Variants in ASIC2 observed in about 807,000 individuals in gnomAD.
ASIC2 encodes acid sensing ion channel subunit 2, also known as acid-sensing ion channel 2.
A neutral mutation model predicts 57.3 loss-of-function variants in ASIC2; 25 were observed. That is an observed-to-expected ratio of 0.44 (90% CI 0.32 to 0.61). The LOEUF (loss-of-function observed/expected upper bound fraction) is 0.61. Among genes scored for constraint, ASIC2 ranks in the 20% least tolerant of loss-of-function variants. The pLI, the probability that ASIC2 is intolerant of heterozygous loss-of-function variation, is 0.06. For synonymous variants in ASIC2, 319 were observed against 307.5 expected (o/e 1.04, Z -0.39); for missense variants, 641 against 738.1 (o/e 0.87, Z 1.52).
At chr17:33,352,712 C>T (rs912904310) in intron 1 of ASIC2, among the ~76,000 whole-genome samples, 1 of 152,202 alleles carries the variant, frequency 6.6e-6, no homozygotes, top group Non-Finnish European at 1.5e-5. Context: ...ACACCACCCT[C>T]ATGCTTTCAG....
chr17:33,579,733 G>A (rs1034151693), intron 1 of ASIC2, among the ~76,000 whole-genome samples: 3 of 152,142 alleles, frequency 2.0e-5, no homozygotes, highest in Non-Finnish European at 4.4e-5. Context: ...AAGTAGTGCG[G>A]ACCCAAACAC....
At chr17:33,879,131 C>T (rs186818274) in intron 1 of ASIC2, among the ~76,000 whole-genome samples, 25 of 152,248 alleles carry the variant, frequency 1.6e-4, no homozygotes, top group East Asian at 3.9e-4. Context: ...AAGGAACAAC[C>T]GGTACCAGCC....
chr17:33,321,336 A>G (rs1049279389), intron 1 of ASIC2, among the ~76,000 whole-genome samples: 1 of 152,216 alleles, frequency 6.6e-6, no homozygotes, highest in Non-Finnish European at 1.5e-5. Context: ...TTAAAGATAG[A>G]GGGGACCATT....
At chr17:33,476,847 G>A (rs533604972) in intron 1 of ASIC2, among the ~76,000 whole-genome samples, 1 of 152,194 alleles carries the variant, frequency 6.6e-6, no homozygotes, top group East Asian at 1.9e-4. Flanking sequence ...TTTCCAGTCA[G>A]TCTCGTGTGG....
intron 1 of ASIC2, among the ~76,000 whole-genome samples, chr17:33,117,401 C>T (rs1204591058): frequency 1.3e-5 from 2 of 152,152 alleles, no homozygotes; most frequent in Non-Finnish European, 1.5e-5. Context: ...GTCTCAAACT[C>T]CTGACCTCAA....
At chr17:33,808,714 A>G (rs1194487114) in intron 1 of ASIC2, among the ~76,000 whole-genome samples, 1 of 152,222 alleles carries the variant, frequency 6.6e-6, no homozygotes, top group Non-Finnish European at 1.5e-5. Flanking sequence ...AATGTAGATG[A>G]TAATACTTGA....
At chr17:33,594,327 G>A (rs1011715155) in intron 1 of ASIC2, among the ~76,000 whole-genome samples, 1 of 152,236 alleles carries the variant, frequency 6.6e-6, no homozygotes, top group Admixed American at 6.5e-5. Context: ...ACCAGAGCAG[G>A]TACGGCTCTG....
At position 33,516,407 on chromosome 17, in the gene ASIC2, AGTGT is replaced by A. The variant is rs113344287; in HGVS notation, c.556-404344_556-404341del. 8.0e-3 allele frequency among the ~76,000 whole-genome samples: 1,188 copies of A among 148,330 alleles called. 13 individuals are homozygous for A. The highest frequency in any genetic ancestry group is 0.028 in the Middle Eastern group (8 of 288). On this transcript the variant is annotated intron_variant, in intron 1 of 9. Coordinates refer to the ASIC2 transcript ENST00000359872. ...GTTTGTAAGTGTGTTTGTGAGTGTG[AGTGT>A]GTGTGTGTGTGTGTGTGTATGGAGG...
intron 1 of ASIC2, among the ~76,000 whole-genome samples, chr17:33,321,630 C>A (rs1275610303): frequency 6.6e-6 from 1 of 152,122 alleles, no homozygotes; most frequent in East Asian, 1.9e-4. Flanking sequence ...CTAGAGGGAA[C>A]CATTTTGCTT....
chr17:33,334,976 G>T (rs189545661), intron 1 of ASIC2, among the ~76,000 whole-genome samples: 1 of 152,176 alleles, frequency 6.6e-6, no homozygotes, highest in Non-Finnish European at 1.5e-5. Flanking sequence ...TTGACTCATC[G>T]CTTTGAAAAC....
chr17:33,200,232 C>A (rs1360524612), intron 1 of ASIC2, among the ~76,000 whole-genome samples: 1 of 152,174 alleles, frequency 6.6e-6, no homozygotes, highest in East Asian at 1.9e-4. Context: ...GCGAGTCTCA[C>A]ATCTGTCTGT....
intron 1 of ASIC2, among the ~76,000 whole-genome samples, chr17:34,066,996 A>G (rs9898220): frequency 0.67 from 102,302 of 152,186 alleles, 35,397 homozygotes; most frequent in Middle Eastern, 0.78. Flanking sequence ...ACCAATTTAG[A>G]ACTGCAAGAC....
chr17:33,462,652 T>C (rs1912679226), intron 1 of ASIC2, among the ~76,000 whole-genome samples: 2 of 152,220 alleles, frequency 1.3e-5, no homozygotes, highest in African/African-American at 4.8e-5. Context: ...TCATATTTGC[T>C]GAGAAATACA....
intron 1 of ASIC2, among the ~76,000 whole-genome samples, chr17:34,014,055 C>T (rs938324920): frequency 6.6e-6 from 1 of 152,162 alleles, no homozygotes; most frequent in Non-Finnish European, 1.5e-5. Flanking sequence ...TTCCTTTTCT[C>T]CTCTCCTAGA....
intron 1 of ASIC2, among the ~76,000 whole-genome samples, chr17:33,305,904 T>C (rs889698125): frequency 6.6e-6 from 1 of 152,220 alleles, no homozygotes; most frequent in African/African-American, 2.4e-5. Flanking sequence ...GCAATCACCA[T>C]AGATAAAAGC....
At chr17:33,702,874 G>A (rs942478677) in intron 1 of ASIC2, among the ~76,000 whole-genome samples, 3 of 152,192 alleles carry the variant, frequency 2.0e-5, no homozygotes, top group Non-Finnish European at 4.4e-5. Flanking sequence ...GCCAGGCGAT[G>A]TACCAGGAAC....
At chr17:33,034,537 A>T (rs571997152) in intron 3 of ASIC2, among the ~76,000 whole-genome samples, 1 of 152,318 alleles carries the variant, frequency 6.6e-6, no homozygotes, top group Non-Finnish European at 1.5e-5. Context: ...AAACCAACTT[A>T]AAAAACCTAT....
intron 1 of ASIC2, among the ~76,000 whole-genome samples, chr17:33,860,544 A>T (rs1283724020): frequency 6.6e-6 from 1 of 152,184 alleles, no homozygotes; most frequent in Non-Finnish European, 1.5e-5. Flanking sequence ...TTTACACAAC[A>T]TGGGAGTTGC....
chr17:33,863,453 G>A (rs1914147056), intron 1 of ASIC2, among the ~76,000 whole-genome samples: 1 of 152,200 alleles, frequency 6.6e-6, no homozygotes, highest in Non-Finnish European at 1.5e-5. Context: ...GGACAGAAAA[G>A]CTAAGGTTGG....
Sources: gnomAD v4.1 joint callset for allele counts (sites outside exome capture counted in the v4.1 genomes callset) on GRCh38, gnomAD v4.1.1 for gene constraint, MANE v1.5 for transcripts, NCBI Gene and HGNC (gene_info 2026-07-23, HGNC 2026-07-21) for gene names.